COL14A1: variants seen among roughly 807,000 people sequenced by gnomAD.
COL14A1 encodes collagen type XIV alpha 1 chain, also known as collagen alpha-1(XIV) chain.
COL14A1 carries 136 observed loss-of-function variants against 230.3 expected under a neutral mutation model. That is an observed-to-expected ratio of 0.59 (90% CI 0.51 to 0.68). The LOEUF is 0.68. Ranked by LOEUF, COL14A1 falls within the 30% of genes least tolerant of loss-of-function variation. COL14A1 has a pLI of 0.00. For missense variants in COL14A1, 1,976 were observed against 2,215.8 expected (o/e 0.89, Z 2.17); for synonymous variants, 792 against 784.1 (o/e 1.01, Z -0.17).
At chr8:120,278,055 T>C (rs1819908133) in intron 26 of COL14A1, 56 bp from the exon 27 acceptor site, 1 of 1,479,292 alleles carries the variant, frequency 6.8e-7, no homozygotes, top group Non-Finnish European at 9.0e-7. Context: ...GCTGTTGCTC[T>C]CTGACCCAGT....
At chr8:120,134,479 AT>A (rs1814645133) in intron 1 of COL14A1, among the ~76,000 whole-genome samples, 1 of 152,142 alleles carries the variant, frequency 6.6e-6, no homozygotes, top group Admixed American at 6.5e-5. Context: ...ATGATCAAAG[AT>A]TTCAATTTAA....
At position 120,278,463 on chromosome 8, in the gene COL14A1, C is replaced by A; in HGVS notation, c.3366C>A (p.Thr1122=). 6.2e-7 allele frequency: 1 copy of A among 1,612,786 alleles called. No individual in the cohort carries two copies. Among genetic ancestry groups the A allele is most frequent in the South Asian group, 1.1e-5 (1 of 90,940 alleles). The change falls in exon 28 of 48, where the codon ACC becomes ACA. Residue 1122 remains threonine (T), a synonymous_variant. Coordinates refer to ENST00000297848, the MANE Select transcript of COL14A1 (RefSeq NM_021110.4). ...TGKAIKYVRD[T]LFTAESGTRR... ...AAGCAATTAAGTATGTTCGAGATAC[C>A]TTGTTCACTGCAGAGTCAGGTACAA...
intron 1 of COL14A1, among the ~76,000 whole-genome samples, chr8:120,131,380 T>C (rs1424598612): frequency 6.6e-6 from 1 of 151,488 alleles, no homozygotes; most frequent in African/African-American, 2.4e-5. Flanking sequence ...TTTTTTTTTT[T>C]TGACTTTTTA....
chr8:120,325,419 T>C (rs1044956212), intron 40 of COL14A1, among the ~76,000 whole-genome samples: 1 of 152,208 alleles, frequency 6.6e-6, no homozygotes, highest in Non-Finnish European at 1.5e-5. Flanking sequence ...ATTATGCTTA[T>C]TGTTTAACCT....
intron 14 of COL14A1, among the ~76,000 whole-genome samples, chr8:120,219,255 T>G (rs978831175): frequency 1.3e-5 from 2 of 152,080 alleles, no homozygotes; most frequent in African/African-American, 4.8e-5. Flanking sequence ...TAGCTGGGAC[T>G]ACACATGCCA....
intron 9 of COL14A1, 127 bp from the exon 10 acceptor site, chr8:120,206,816 C>A: frequency 1.1e-6 from 1 of 909,332 alleles, no homozygotes; most frequent in Non-Finnish European, 1.6e-6. Flanking sequence ...ACTGAATCAA[C>A]TTATCTAAAG....
At position 120,285,918 on chromosome 8, in the gene COL14A1, T is replaced by C. The variant is rs748724488; in HGVS notation, c.4025T>C (p.Val1342Ala). ...GACCAGAGTGGGGATTTTCAAACTG[T>C]TACTTTCGAAGGACCTGAAATTAGG... The part of the protein sequence containing the change: ...NYDQSGDFQT[V>A]TFEGPEIRKI... Residue 1342 changes from valine to alanine, a missense_variant, in exon 33 of 48, where the codon GTT becomes GCT. Physicochemically the swap from Val to Ala is moderately conservative, Grantham distance 64. Coordinates refer to ENST00000297848, the MANE Select transcript of COL14A1 (RefSeq NM_021110.4). The C allele has an allele frequency of 2.5e-6, 4 of 1,611,938 alleles. No homozygotes were observed.
intron 1 of COL14A1, among the ~76,000 whole-genome samples, chr8:120,141,611 T>C (rs183793933): frequency 5.9e-5 from 9 of 152,238 alleles, no homozygotes; most frequent in Admixed American, 3.9e-4. Flanking sequence ...CAATGCTTTT[T>C]CCATATAAAT....
At chr8:120,263,570 A>G (rs2129773791) in intron 24 of COL14A1, among the ~76,000 whole-genome samples, 1 of 152,324 alleles carries the variant, frequency 6.6e-6, no homozygotes, top group Admixed American at 6.5e-5. Context: ...GAGAGTGTCA[A>G]CTTCTTGAAA....
intron 40 of COL14A1, among the ~76,000 whole-genome samples, chr8:120,327,884 C>T (rs1487950541): frequency 2.0e-5 from 3 of 151,994 alleles, no homozygotes; most frequent in Admixed American, 2.0e-4. Context: ...CATGCCTCAG[C>T]CTCCCAAGTA....
At chr8:120,288,024 C>CAAA (rs61622764) in intron 33 of COL14A1, among the ~76,000 whole-genome samples, 12 of 145,316 alleles carry the variant, frequency 8.3e-5, no homozygotes, top group African/African-American at 2.2e-4. Context: ...TTTTGTAAAG[C>CAAA]AAAAAAAAAA....
chr8:120,200,904 A>G (rs1270942013), intron 8 of COL14A1, among the ~76,000 whole-genome samples: 2 of 151,126 alleles, frequency 1.3e-5, no homozygotes, highest in Admixed American at 6.6e-5. Context: ...CCTTATTCCT[A>G]CAGCATCTCT....
intron 45 of COL14A1, among the ~76,000 whole-genome samples, chr8:120,357,333 A>C (rs1032177302): frequency 1.8e-4 from 27 of 152,170 alleles, no homozygotes; most frequent in Non-Finnish European, 3.7e-4. Flanking sequence ...AGGAGGGCTC[A>C]GTTCCTCACT....
In COL14A1 at chr8:120,342,370, T is replaced by TC. The variant is rs1466493169; in HGVS notation, c.4822-9dup. On this transcript the variant is annotated splice_polypyrimidine_tract_variant and intron_variant, in intron 43 of 47. Coordinates refer to ENST00000297848, the MANE Select transcript of COL14A1 (RefSeq NM_021110.4). ...AGCTGAGTCAGGAGTATGCTTTTTT[T>TC]CTCATCCAGGGTGACCTGCAGTCTC... 6.2e-7 allele frequency: 1 copy of TC among 1,613,712 alleles called. No individual in the cohort carries two copies. Among genetic ancestry groups the TC allele is most frequent in the Non-Finnish European group, 8.5e-7 (1 of 1,179,782 alleles).
intron 26 of COL14A1, chr8:120,277,547 T>G (rs541299106): frequency 6.6e-6 from 1 of 152,104 alleles, no homozygotes; most frequent in Admixed American, 6.6e-5. Context: ...GAAAATGTGG[T>G]GAACATACAG....
intron 35 of COL14A1, 116 bp from the exon 36 acceptor site, chr8:120,300,616 C>G (rs1376855500): frequency 3.9e-6 from 3 of 768,956 alleles, no homozygotes; most frequent in African/African-American, 3.5e-5. Flanking sequence ...CTCTGCCTTT[C>G]TAATGTGCAC....
rs1464302768 is a variant in COL14A1 at position 120,300,837 on chromosome 8, A to G, written c.4401+19A>G. On this transcript the variant is annotated intron_variant, in intron 36 of 47. Transcript: ENST00000297848. ...CCCACCAGTAAGTCTTGCTGAGTTC[A>G]GCCTTAAATTTTCTTTAATAATATT... 1.9e-6 allele frequency: 3 copies of G among 1,594,602 alleles called. No individual in the cohort carries two copies. The South Asian group carries it at 3.3e-5, about 18-fold the overall frequency.
rs751533597 is a variant in COL14A1 at position 120,225,195 on chromosome 8, G to C, written c.1845G>C (p.Leu615=). The part of the protein sequence containing the change: ...SIYDEGQSEP[L]TGVFTTEEVP... ...ATGATGAAGGACAGTCAGAGCCTCT[G>C]ACTGGAGTTTTTACCACCGGTAAGC... The change falls in exon 15 of 48, where the codon CTG becomes CTC. Residue 615 remains leucine, a synonymous_variant. Transcript: ENST00000297848. 6.2e-7 allele frequency: 1 copy of C among 1,612,092 alleles called. No individual in the cohort carries two copies. Among genetic ancestry groups the C allele is most frequent in the Non-Finnish European group, 8.5e-7 (1 of 1,179,474 alleles).
intron 13 of COL14A1, 115 bp downstream of exon 13, chr8:120,212,692 T>A (rs1563675421): frequency 5.4e-6 from 6 of 1,112,084 alleles, no homozygotes; most frequent in South Asian, 4.9e-5. Flanking sequence ...ATTATAATTT[T>A]AAAAATCTCA....
Sources: gnomAD v4.1 joint callset for allele counts (sites outside exome capture counted in the v4.1 genomes callset) on GRCh38, gnomAD v4.1.1 for gene constraint, MANE v1.5 for transcripts, NCBI Gene and HGNC (gene_info 2026-07-23, HGNC 2026-07-21) for gene names.